The following PTPRJ variants were observed in gnomAD, a reference collection of about 807,000 sequenced individuals.
The protein encoded by PTPRJ is receptor-type tyrosine-protein phosphatase eta.
PTPRJ carries 129 observed loss-of-function variants against 141.3 expected under a neutral mutation model. That is an observed-to-expected ratio of 0.91 (90% CI 0.79 to 1.06). PTPRJ has a LOEUF of 1.06. PTPRJ is among the 50% of genes least tolerant of loss of function. PTPRJ has a pLI of 0.00. For synonymous variants in PTPRJ, 610 were observed against 640.5 expected (o/e 0.95, Z 0.72); for missense variants, 1,601 against 1,679.7 (o/e 0.95, Z 0.82).
chr11:47,990,320 G>A (rs1317650222), intron 1 of PTPRJ, among the ~76,000 whole-genome samples: 1 of 152,166 alleles, frequency 6.6e-6, no homozygotes, highest in Non-Finnish European at 1.5e-5. Flanking sequence ...AGATACTTGT[G>A]TATCAGAAGA....
intron 1 of PTPRJ, among the ~76,000 whole-genome samples, chr11:48,109,364 A>G (rs578118476): frequency 2.3e-4 from 35 of 152,304 alleles, no homozygotes; most frequent in African/African-American, 8.2e-4. Flanking sequence ...TTAGATTTTT[A>G]AAGTATAGGG....
chr11:48,108,254 T>C (rs1237680607), intron 1 of PTPRJ, among the ~76,000 whole-genome samples: 1 of 152,202 alleles, frequency 6.6e-6, no homozygotes, highest in East Asian at 1.9e-4. Context: ...ATGATGATGA[T>C]GACAACAGCA....
intron 1 of PTPRJ, among the ~76,000 whole-genome samples, chr11:48,050,714 G>C (rs1293662059): frequency 1.7e-5 from 2 of 114,648 alleles, no homozygotes; most frequent in African/African-American, 1.6e-4. Context: ...AGTAAATTTA[G>C]GGAATTTTTT....
intron 22 of PTPRJ, among the ~76,000 whole-genome samples, chr11:48,160,398 T>TA (rs1427138536): frequency 1.3e-5 from 2 of 152,220 alleles, no homozygotes. Flanking sequence ...TGGTTAGAAA[T>TA]ATGGCATCAG....
chr11:47,997,510 G>T (rs1854372619), intron 1 of PTPRJ, among the ~76,000 whole-genome samples: 1 of 152,172 alleles, frequency 6.6e-6, no homozygotes, highest in Non-Finnish European at 1.5e-5. Context: ...GGGAGCTTTG[G>T]CCGAGTTTGT....
intron 1 of PTPRJ, among the ~76,000 whole-genome samples, chr11:48,070,742 G>A (rs569885330): frequency 3.3e-5 from 5 of 152,308 alleles, no homozygotes; most frequent in Non-Finnish European, 4.4e-5. Flanking sequence ...CTGGTGATCT[G>A]ATTTTAAATG....
intron 1 of PTPRJ, among the ~76,000 whole-genome samples, chr11:47,994,964 A>G (rs992783369): frequency 2.0e-5 from 3 of 152,168 alleles, no homozygotes; most frequent in Admixed American, 1.3e-4. Flanking sequence ...GGGTCAATGT[A>G]TGGCAATCTG....
In PTPRJ at chr11:48,153,876, T is replaced by A. The variant is rs1363912284; in HGVS notation, c.3219T>A (p.Asn1073Lys). The A allele has an allele frequency of 1.9e-6, 3 of 1,608,904 alleles. No individual in the cohort carries two copies. The Admixed American group carries it at 5.0e-5, about 27-fold the overall frequency. Residue 1073 changes from asparagine to lysine, a missense_variant, in exon 19 of 25, where the codon AAT (asparagine) becomes AAA (lysine). Transcript: ENST00000418331. Reference sequence around the variant, plus strand: ...ATAGAGGAAAGAATCGCTATAATAATGTTCTGCCCTGTAAGTTATTTTATC... The same window carrying A: ...ATAGAGGAAAGAATCGCTATAATAAAGTTCTGCCCTGTAAGTTATTTTATC... ...AENRGKNRYN[N>K]VLPYDISRVK...
In PTPRJ at chr11:48,015,293, C is replaced by T. The variant is rs980508179; in HGVS notation, c.96+34285C>T. Among the ~76,000 whole-genome samples, 9 of 151,842 alleles carry T rather than the reference C, an allele frequency of 5.9e-5. No homozygotes were observed. In the East Asian group the frequency reaches 9.7e-4, roughly 16 times the overall value. ...TGGTTTGTTTCTGTGTTATGGGCACCGAGAAGCGTGTGGCTCATCATGTTT... is the reference window on the plus strand; with the variant it reads ...TGGTTTGTTTCTGTGTTATGGGCACTGAGAAGCGTGTGGCTCATCATGTTT... On this transcript the variant is annotated intron_variant, in intron 1 of 24. Transcript: ENST00000418331.
intron 15 of PTPRJ, among the ~76,000 whole-genome samples, chr11:48,149,137 T>G (rs1857418348): frequency 6.6e-6 from 1 of 152,248 alleles, no homozygotes; most frequent in Non-Finnish European, 1.5e-5. Context: ...TAACAAGTCT[T>G]GCTTTACATT....
intron 21 of PTPRJ, among the ~76,000 whole-genome samples, chr11:48,156,440 T>C (rs1457581377): frequency 6.6e-6 from 1 of 152,194 alleles, no homozygotes; most frequent in African/African-American, 2.4e-5. Context: ...CTGTTCTTCA[T>C]TGGCCCCATG....
chr11:48,021,597 A>T (rs181077326), intron 1 of PTPRJ, among the ~76,000 whole-genome samples: 50 of 151,994 alleles, frequency 3.3e-4, no homozygotes, highest in African/African-American at 1.0e-3. Context: ...CATTGTGTAG[A>T]TTAACCAGCA....
intron 1 of PTPRJ, among the ~76,000 whole-genome samples, chr11:48,055,461 T>A (rs576948724): frequency 6.6e-6 from 1 of 152,344 alleles, no homozygotes; most frequent in East Asian, 1.9e-4. Context: ...TCTTGGCCTC[T>A]TTCCTCCTCA....
chr11:48,039,000 A>G (rs944934691), intron 1 of PTPRJ, among the ~76,000 whole-genome samples: 2 of 151,574 alleles, frequency 1.3e-5, no homozygotes, highest in Non-Finnish European at 2.9e-5. Flanking sequence ...AAATACAAAA[A>G]TTAGCTGGGT....
Position 48,059,789 on chromosome 11 carries a change from G to A in PTPRJ, c.97-50269G>A, listed in dbSNP as rs566922007. 2.0e-5 allele frequency among the ~76,000 whole-genome samples: 3 copies of A among 152,318 alleles called. No homozygotes were observed. In the East Asian group the frequency reaches 5.8e-4, roughly 29 times the overall value. On this transcript the variant is annotated intron_variant, in intron 1 of 24. Coordinates refer to ENST00000418331, the MANE Select transcript of PTPRJ (RefSeq NM_002843.4). ...GTTAGTTATCAAGTCTGATTTACAG[G>A]TGAGGCAAAGAAAGGATAAGTAATT... is the stretch of plus-strand genomic sequence containing the variant.
chr11:48,127,743 G>A (rs768687144), intron 6 of PTPRJ, 37 bp from the exon 7 acceptor site: 123 of 1,603,624 alleles, frequency 7.7e-5, no homozygotes, highest in Non-Finnish European at 9.3e-5. Flanking sequence ...TGCCTTGGCC[G>A]TTCTGGTTAT....
At chr11:48,085,553 C>A (rs1855679865) in intron 1 of PTPRJ, among the ~76,000 whole-genome samples, 1 of 152,242 alleles carries the variant, frequency 6.6e-6, no homozygotes, top group Admixed American at 6.5e-5. Flanking sequence ...CCATGTTGGC[C>A]AGGCTGGTCT....
chr11:48,039,784 T>C (rs1854228245), intron 1 of PTPRJ, among the ~76,000 whole-genome samples: 1 of 150,226 alleles, frequency 6.7e-6, no homozygotes, highest in Admixed American at 6.6e-5. Context: ...GTCTCCCTTT[T>C]GCCCTTTCTT....
At chr11:48,131,688 T>G (rs1411741445) in intron 8 of PTPRJ, 1 of 534,414 alleles carries the variant, frequency 1.9e-6, no homozygotes, top group Non-Finnish European at 3.4e-6. Flanking sequence ...AATTGAGTAG[T>G]GGCAGCAGAG....
Sources: gnomAD v4.1 joint callset for allele counts (sites outside exome capture counted in the v4.1 genomes callset) on GRCh38, gnomAD v4.1.1 for gene constraint, MANE v1.5 for transcripts, NCBI Gene and HGNC (gene_info 2026-07-23, HGNC 2026-07-21) for gene names.